CDKN2B-AS1: variants seen among roughly 807,000 people sequenced by gnomAD.
CDKN2B-AS1 encodes CDKN2B antisense RNA 1 (non-protein coding).
At chr9:22,066,902 C>T (rs1253633111) in intron 4 of CDKN2B-AS1, among the ~76,000 whole-genome samples, 1 of 152,106 alleles carries the variant, frequency 6.6e-6, no homozygotes, top group Non-Finnish European at 1.5e-5. Flanking sequence ...GGGATGAGTT[C>T]TTGTCCTTTG....
intron 3 of CDKN2B-AS1, among the ~76,000 whole-genome samples, chr9:22,055,697 G>C (rs1170474246): frequency 6.6e-6 from 1 of 152,158 alleles, no homozygotes; most frequent in Non-Finnish European, 1.5e-5. Context: ...GATGATCCAC[G>C]TGCTGGCAGA....
chr9:22,024,776 G>C (rs1034322584), intron 1 of CDKN2B-AS1, among the ~76,000 whole-genome samples: 1 of 152,204 alleles, frequency 6.6e-6, no homozygotes, highest in African/African-American at 2.4e-5. Flanking sequence ...GGGCTCAGGG[G>C]AAGTTGCAGT....
chr9:22,098,157 CTGTGTG>C (rs35998780), intron 4 of CDKN2B-AS1, among the ~76,000 whole-genome samples: 6,820 of 146,076 alleles, frequency 0.047, 363 homozygotes, highest in African/African-American at 0.13. Flanking sequence ...CTCTCTGTCT[CTGTGTG>C]TGTGTGTGTG....
intron 4 of CDKN2B-AS1, among the ~76,000 whole-genome samples, chr9:22,073,129 T>C (rs1366431817): frequency 6.6e-6 from 1 of 152,202 alleles, no homozygotes; most frequent in Non-Finnish European, 1.5e-5. Context: ...AGAATAATAC[T>C]GCCTTCATAC....
At chr9:22,077,662 A>G (rs1034367885) in intron 4 of CDKN2B-AS1, 14 of 152,234 alleles carry the variant, frequency 9.2e-5, no homozygotes, top group Non-Finnish European at 1.3e-4. Context: ...GGTCACATTT[A>G]GCTCCTTTTC....
intron 4 of CDKN2B-AS1, among the ~76,000 whole-genome samples, chr9:22,071,818 G>A (rs1441579171): frequency 2.6e-5 from 4 of 152,116 alleles, no homozygotes; most frequent in Admixed American, 2.6e-4. Context: ...ATGTAAAAGT[G>A]AATAGTTACT....
intron 1 of CDKN2B-AS1, among the ~76,000 whole-genome samples, chr9:22,018,706 T>G (rs936535524): frequency 4.6e-5 from 7 of 152,192 alleles, no homozygotes; most frequent in Admixed American, 1.3e-4. Flanking sequence ...AGCGCCAACA[T>G]GTTTATATCC....
intron 4 of CDKN2B-AS1, among the ~76,000 whole-genome samples, chr9:22,098,154 T>TCA (rs1491459368): frequency 2.1e-4 from 29 of 135,772 alleles, no homozygotes; most frequent in Admixed American, 6.2e-4. Flanking sequence ...TCTCTCTCTG[T>TCA]CTCTGTGTGT....
At chr9:22,023,436 A>G (rs933991297) in intron 1 of CDKN2B-AS1, among the ~76,000 whole-genome samples, 5 of 152,072 alleles carry the variant, frequency 3.3e-5, no homozygotes, top group African/African-American at 1.2e-4. Context: ...TTGTGATTGC[A>G]TTATGAAATT....
intron 4 of CDKN2B-AS1, among the ~76,000 whole-genome samples, chr9:22,063,336 G>A (rs555192346): frequency 6.6e-6 from 1 of 152,196 alleles, no homozygotes; most frequent in South Asian, 2.1e-4. Flanking sequence ...TACCTCTTGA[G>A]ACACCAATTT....
In CDKN2B-AS1 at chr9:22,005,957, A is replaced by G; in HGVS notation, n.29+10796A>G. On this transcript the variant is annotated intron_variant and non_coding_transcript_variant, in intron 1 of 4. Coordinates refer to ENST00000650946, the Ensembl canonical transcript of CDKN2B-AS1. This position sits in a 1 kb window ranked among gnomAD's most constrained non-coding sequence, Gnocchi z 4.9. ...GGTGGGAAATTGGGTAAGAAAATAA[A>G]GTCGTTGTGGGCGGCTGGGGAACCT... 1 of 1,598,444 alleles carries G rather than the reference A, an allele frequency of 6.3e-7. No individual in the cohort carries two copies. Among genetic ancestry groups the G allele is most frequent in the Non-Finnish European group, 8.5e-7 (1 of 1,179,536 alleles).
chr9:22,117,905 C>T (rs1825994524), intron 4 of CDKN2B-AS1: 1 of 152,214 alleles, frequency 6.6e-6, no homozygotes, highest in South Asian at 2.1e-4. Context: ...CAGAATGTAT[C>T]TGCCTGTGTG....
At chr9:22,037,174 A>T (rs191391918) in intron 1 of CDKN2B-AS1, among the ~76,000 whole-genome samples, 2 of 152,104 alleles carry the variant, frequency 1.3e-5, no homozygotes, top group Non-Finnish European at 2.9e-5. Flanking sequence ...GTGTTAGAGA[A>T]ATCATACATA....
chr9:22,017,809 T>TTAATGG (rs1207637366), intron 1 of CDKN2B-AS1, among the ~76,000 whole-genome samples: 1 of 152,242 alleles, frequency 6.6e-6, no homozygotes, highest in African/African-American at 2.4e-5. Context: ...GGCCATTGCA[T>TTAATGG]GCAAAGAGGT....
chr9:22,038,219 CAT>C (rs1159983592), intron 1 of CDKN2B-AS1, among the ~76,000 whole-genome samples: 1 of 151,758 alleles, frequency 6.6e-6, no homozygotes, highest in East Asian at 1.9e-4. Flanking sequence ...GTGCAATTTT[CAT>C]ATGTCAGTTC....
chr9:22,018,892 A>T (rs1470399230), intron 1 of CDKN2B-AS1, among the ~76,000 whole-genome samples: 1 of 152,218 alleles, frequency 6.6e-6, no homozygotes, highest in Non-Finnish European at 1.5e-5. Context: ...AGAGAGTATT[A>T]ATTTCAAAAC....
intron 1 of CDKN2B-AS1, chr9:22,008,981 C>G (rs1587388766): frequency 2.5e-6 from 4 of 1,613,328 alleles, no homozygotes; most frequent in East Asian, 4.5e-5. Context: ...CGCAGCGGCC[C>G]GGATAATCCA....
chr9:22,027,021 C>T (rs544737771), intron 1 of CDKN2B-AS1, among the ~76,000 whole-genome samples: 2 of 151,986 alleles, frequency 1.3e-5, no homozygotes, highest in African/African-American at 4.8e-5. Flanking sequence ...CTCCGTGGGT[C>T]GAGTTGTTTC....
chr9:22,005,874 G>T lies in CDKN2B-AS1; in HGVS notation n.29+10713G>T. The T allele has an allele frequency of 1.4e-6, 2 of 1,406,264 alleles. No individual in the cohort carries two copies. The highest frequency in any genetic ancestry group is 4.9e-5 in the East Asian group (2 of 40,944). The allele number at this position is 1,406,264 out of a possible 1,614,324, so 87.1% of individuals were successfully genotyped here. A position where few individuals can be genotyped will look rare whatever the true frequency, so the allele number is the denominator to read the frequency against. On this transcript the variant is annotated intron_variant and non_coding_transcript_variant, in intron 1 of 4. Coordinates refer to ENST00000650946, the Ensembl canonical transcript of CDKN2B-AS1. The surrounding 1 kb of genome is among the most constrained non-coding windows in gnomAD (Gnocchi z 4.9). ...CCTGTGAGTCTCAGACAGGCTTGCAGGCTTACAGGCTTTCCGCCGCTCCCC... is the reference window on the plus strand; with the variant it reads ...CCTGTGAGTCTCAGACAGGCTTGCATGCTTACAGGCTTTCCGCCGCTCCCC...
Sources: allele counts gnomAD v4.1 joint callset (sites outside exome capture counted in the v4.1 genomes callset), GRCh38; gene constraint gnomAD v4.1.1; non-coding constraint Gnocchi (gnomAD v3.1); transcripts MANE v1.5; gene names NCBI Gene and HGNC (gene_info 2026-07-23, HGNC 2026-07-21).